KCNQ3: variants seen among roughly 807,000 people sequenced by gnomAD.
KCNQ3 encodes the protein potassium voltage-gated channel subfamily KQT member 3.
A neutral mutation model predicts 92.5 loss-of-function variants in KCNQ3; 30 were observed. The observed-to-expected ratio is 0.32, with a 90% CI of 0.24 to 0.44. The LOEUF (loss-of-function observed/expected upper bound fraction) is 0.44. Ranked by LOEUF, KCNQ3 falls within the 20% of genes least tolerant of loss-of-function variation. The pLI, the probability that KCNQ3 is intolerant of heterozygous loss-of-function variation, is 1.00. For missense variants in KCNQ3, 913 were observed against 1,140.3 expected (o/e 0.80, Z 2.87); for synonymous variants, 450 against 468.8 (o/e 0.96, Z 0.52).
chr8:132,412,264 T>TC, intron 1 of KCNQ3, among the ~76,000 whole-genome samples: 1 of 152,016 alleles, frequency 6.6e-6, no homozygotes, highest in East Asian at 1.9e-4. Flanking sequence ...ACTTTGTAGC[T>TC]CCCCCCACCC....
intron 1 of KCNQ3, among the ~76,000 whole-genome samples, chr8:132,320,862 C>G (rs1023688900): frequency 3.3e-5 from 5 of 152,172 alleles, no homozygotes; most frequent in African/African-American, 1.2e-4. Context: ...CAGCAGAAGC[C>G]CTCTATTCAC....
chr8:132,353,194 C>T (rs1204230313), intron 1 of KCNQ3, among the ~76,000 whole-genome samples: 1 of 151,956 alleles, frequency 6.6e-6, no homozygotes, highest in Non-Finnish European at 1.5e-5. Flanking sequence ...CCACTGTACT[C>T]CAGCCTGGGC....
chr8:132,452,474 C>T (rs913212505), intron 1 of KCNQ3, among the ~76,000 whole-genome samples: 1 of 152,188 alleles, frequency 6.6e-6, no homozygotes, highest in African/African-American at 2.4e-5. Flanking sequence ...GCTTTATCAC[C>T]TCCACTGGAA....
intron 1 of KCNQ3, among the ~76,000 whole-genome samples, chr8:132,477,454 T>C (rs12547929): frequency 0.029 from 4,338 of 152,158 alleles, 380 homozygotes; most frequent in East Asian, 0.28. Context: ...TAATGGATGC[T>C]TGAAAACATA....
At chr8:132,274,186 C>T (rs1816251214) in intron 1 of KCNQ3, among the ~76,000 whole-genome samples, 3 of 152,136 alleles carry the variant, frequency 2.0e-5, no homozygotes, top group African/African-American at 7.2e-5. Context: ...GTTTAATGGA[C>T]TTACAGTTCC....
intron 1 of KCNQ3, among the ~76,000 whole-genome samples, chr8:132,251,784 T>C (rs1489456741): frequency 6.6e-6 from 1 of 152,328 alleles, no homozygotes; most frequent in Admixed American, 6.5e-5. Context: ...AAAACATAGT[T>C]ATAGAGAGAC....
At chr8:132,299,207 A>G (rs1817141165) in intron 1 of KCNQ3, among the ~76,000 whole-genome samples, 1 of 151,320 alleles carries the variant, frequency 6.6e-6, no homozygotes, top group African/African-American at 2.4e-5. Flanking sequence ...ATATTTTGAT[A>G]TGGGCATGCA....
intron 1 of KCNQ3, among the ~76,000 whole-genome samples, chr8:132,444,213 C>T (rs961359028): frequency 2.0e-5 from 3 of 152,122 alleles, no homozygotes; most frequent in Non-Finnish European, 4.4e-5. Flanking sequence ...CCATTTATCT[C>T]ATGTGATTTA....
intron 1 of KCNQ3, among the ~76,000 whole-genome samples, chr8:132,220,032 G>A (rs539271277): frequency 2.6e-5 from 4 of 152,056 alleles, no homozygotes; most frequent in South Asian, 2.1e-4. Context: ...TCTTTCCATC[G>A]CACCATGCTT....
At chr8:132,220,054 C>T (rs1039284487) in intron 1 of KCNQ3, among the ~76,000 whole-genome samples, 7 of 152,080 alleles carry the variant, frequency 4.6e-5, no homozygotes, top group African/African-American at 1.7e-4. Flanking sequence ...TCATAAACAA[C>T]ATTCTTTCTA....
intron 1 of KCNQ3, among the ~76,000 whole-genome samples, chr8:132,392,127 T>G (rs542519465): frequency 6.6e-6 from 1 of 152,126 alleles, no homozygotes; most frequent in Admixed American, 6.5e-5. Flanking sequence ...GAGAAACATA[T>G]CTGGTTACGA....
Position 132,121,621 on chromosome 8 carries a change from A to C in KCNQ3, c.*7641T>G, listed in dbSNP as rs1824471712. 1 of 152,198 alleles carries C rather than the reference A, an allele frequency of 6.6e-6. No homozygotes were observed. The highest frequency in any genetic ancestry group is 2.1e-4 in the South Asian group (1 of 4,830). 9.4% of individuals were successfully genotyped at this position (152,198 alleles called of 1,614,324 possible). On this transcript the variant is annotated 3_prime_UTR_variant, in exon 15 of 15. Transcript: ENST00000388996. ...GGGAAACCTTGATCTTTTAATACTG[A>C]GAAAGAGAGACACAACTGTTCTGAG...
chr8:132,149,829 C>T (rs1028654264), intron 9 of KCNQ3, among the ~76,000 whole-genome samples: 3 of 152,118 alleles, frequency 2.0e-5, no homozygotes, highest in Non-Finnish European at 4.4e-5. Flanking sequence ...CTGCCTGGGC[C>T]CCAAGCAACT....
At chr8:132,454,191 G>A (rs879290458) in intron 1 of KCNQ3, among the ~76,000 whole-genome samples, 4 of 152,182 alleles carry the variant, frequency 2.6e-5, no homozygotes, top group Non-Finnish European at 4.4e-5. Context: ...TCAGGGAGAA[G>A]GGCCCAGAAA....
At chr8:132,479,835 C>T (rs1313838117) in intron 1 of KCNQ3, among the ~76,000 whole-genome samples, 3 of 152,148 alleles carry the variant, frequency 2.0e-5, no homozygotes, top group Admixed American at 2.0e-4. Context: ...TCCAAACCAA[C>T]ACCCCTAGAA....
In KCNQ3 at chr8:132,124,809, G is replaced by A. The variant is rs1283706246; in HGVS notation, c.*4453C>T. On this transcript the variant is annotated 3_prime_UTR_variant, in exon 15 of 15. Coordinates refer to ENST00000388996, the MANE Select transcript of KCNQ3 (RefSeq NM_004519.4). ...TTCAGGAAGCAAAGAAGAATCTTTG[G>A]TTATTCATGAAAACCAAATACCAGC... is the stretch of plus-strand genomic sequence containing the variant. 6.6e-6 allele frequency: 1 copy of A among 152,176 alleles called. No homozygotes were observed. Among genetic ancestry groups the A allele is most frequent in the Non-Finnish European group, 1.5e-5 (1 of 68,018 alleles). The allele number at this position is 152,176 out of a possible 1,614,324, so 9.4% of individuals were successfully genotyped here.
At chr8:132,238,928 T>C (rs181473093) in intron 1 of KCNQ3, among the ~76,000 whole-genome samples, 7 of 152,314 alleles carry the variant, frequency 4.6e-5, no homozygotes, top group Admixed American at 4.6e-4. Flanking sequence ...GGCTACCCTG[T>C]AAGTGTAAAC....
At chr8:132,455,024 A>T (rs1036779678) in intron 1 of KCNQ3, among the ~76,000 whole-genome samples, 1 of 152,228 alleles carries the variant, frequency 6.6e-6, no homozygotes, top group African/African-American at 2.4e-5. Context: ...GAGAGGGGGA[A>T]GTAGTGAGTT....
intron 1 of KCNQ3, among the ~76,000 whole-genome samples, chr8:132,214,813 T>C (rs1170571963): frequency 1.3e-5 from 2 of 152,238 alleles, no homozygotes; most frequent in Non-Finnish European, 2.9e-5. Context: ...AATGTATCCA[T>C]TTTGATCACT....
Sources: gnomAD v4.1 joint callset for allele counts (sites outside exome capture counted in the v4.1 genomes callset) on GRCh38, gnomAD v4.1.1 for gene constraint, MANE v1.5 for transcripts, NCBI Gene and HGNC (gene_info 2026-07-23, HGNC 2026-07-21) for gene names.